SP140: variants seen among roughly 807,000 people sequenced by gnomAD.
SP140 encodes SP140 nuclear body protein.
Under a neutral mutation model 125.0 loss-of-function variants are expected in SP140, and 81 were observed. That is an observed-to-expected ratio of 0.65 (90% CI 0.54 to 0.78). The LOEUF (loss-of-function observed/expected upper bound fraction) is 0.78. Ranked by LOEUF, SP140 falls within the 30% of genes least tolerant of loss-of-function variation. The pLI is 0.00. For synonymous variants in SP140, 312 were observed against 354.0 expected (o/e 0.88, Z 1.33); for missense variants, 858 against 1,037.0 (o/e 0.83, Z 2.37).
In SP140 at chr2:230,269,711, A is replaced by G. The variant is rs1278856479; in HGVS notation, c.1327+93A>G. ...AATAGACTTAAAGGAAGAGTCAAAT[A>G]TAAGGAGGAGCAGTGAAAGGAGAAG... On this transcript the variant is annotated intron_variant, in intron 13 of 26. Coordinates refer to ENST00000392045, the MANE Select transcript of SP140 (RefSeq NM_007237.5). 7.5e-6 allele frequency: 8 copies of G among 1,063,184 alleles called. No homozygotes were observed. The African/African-American group carries it at 9.6e-5, about 13-fold the overall frequency. The allele number at this position is 1,063,184 out of a possible 1,614,324, so 65.9% of individuals were successfully genotyped here.
intron 10 of SP140, among the ~76,000 whole-genome samples, chr2:230,252,923 G>C: frequency 6.6e-6 from 1 of 152,014 alleles, no homozygotes; most frequent in East Asian, 1.9e-4. Context: ...TTAAGGAAAA[G>C]AAAAATGCTA....
intron 11 of SP140, among the ~76,000 whole-genome samples, chr2:230,253,784 A>C (rs2050737985): frequency 6.6e-6 from 1 of 152,218 alleles, no homozygotes; most frequent in Non-Finnish European, 1.5e-5. Flanking sequence ...GCCTACTTTC[A>C]GAAGTATCAG....
At chr2:230,187,673 G>A in the SP140 span, among the ~76,000 whole-genome samples, 3 of 152,054 alleles carry the variant, frequency 2.0e-5, no homozygotes, top group African/African-American at 7.2e-5. Flanking sequence ...TTTGTATAAG[G>A]TGGGAAATAG....
intron 16 of SP140, 79 bp downstream of exon 16, chr2:230,284,490 T>C: frequency 8.1e-7 from 1 of 1,236,498 alleles, no homozygotes; most frequent in Non-Finnish European, 1.1e-6. Context: ...GGCCTGCAGT[T>C]CCCCAGAGCC....
At chr2:230,243,884 A>G in intron 5 of SP140, 73 bp downstream of exon 5, 1 of 1,042,360 alleles carries the variant, frequency 9.6e-7, no homozygotes. Flanking sequence ...GGTGTTTCCT[A>G]ATGCATTTTA....
At position 230,253,432 on chromosome 2, in the gene SP140, C is replaced by A. The variant is rs189813545; in HGVS notation, c.1159+15C>A. On this transcript the variant is annotated intron_variant, in intron 11 of 26. Coordinates refer to ENST00000392045, the MANE Select transcript of SP140 (RefSeq NM_007237.5). The stretch of plus-strand genomic sequence containing the variant: ...TGAAGGAGAAGGTAATTATGATGTA[C>A]ATTTTTAGGTATTTGAGTACATCTT... The A allele has an allele frequency of 1.2e-4, 182 of 1,560,928 alleles. 1 individual carries two copies. The highest frequency in any genetic ancestry group is 4.0e-4 in the South Asian group (36 of 89,964).
chr2:230,202,506 ACT>A, upstream of SP140: 1 of 1,439,072 alleles, frequency 6.9e-7, no homozygotes, highest in Non-Finnish European at 9.8e-7. Context: ...TATCTACTTA[ACT>A]CTGTACCTGC....
intron 1 of SP140, among the ~76,000 whole-genome samples, chr2:230,208,878 G>A (rs2044164519): frequency 6.6e-6 from 1 of 152,106 alleles, no homozygotes; most frequent in Non-Finnish European, 1.5e-5. Context: ...TTAAGATAAT[G>A]GCAATAGATT....
At chr2:230,188,078 G>A in the SP140 span, among the ~76,000 whole-genome samples, 53 of 152,220 alleles carry the variant, frequency 3.5e-4, no homozygotes, top group Non-Finnish European at 6.5e-4. Flanking sequence ...GATTGCCTTG[G>A]GCAGTGTGAT....
intron 1 of SP140, among the ~76,000 whole-genome samples, chr2:230,230,720 T>G (rs2047118755): frequency 6.6e-6 from 1 of 152,244 alleles, no homozygotes; most frequent in African/African-American, 2.4e-5. Flanking sequence ...TCAATATGTC[T>G]AAGTCTAGAT....
intron 10 of SP140, 143 bp from the exon 11 acceptor site, chr2:230,253,173 G>A: frequency 1.5e-6 from 1 of 650,788 alleles, no homozygotes; most frequent in Non-Finnish European, 2.7e-6. Context: ...AGGACACTGA[G>A]AATTAGAGAG....
intron 10 of SP140, among the ~76,000 whole-genome samples, chr2:230,252,109 A>C (rs2050462605): frequency 6.6e-6 from 1 of 152,016 alleles, no homozygotes; most frequent in Non-Finnish European, 1.5e-5. Context: ...TAAGGAGAGG[A>C]GTGGAAAAAT....
At chr2:230,278,675 TA>T (rs2055075351) in intron 15 of SP140, among the ~76,000 whole-genome samples, 1 of 152,100 alleles carries the variant, frequency 6.6e-6, no homozygotes, top group African/African-American at 2.4e-5. Flanking sequence ...AATTTTTGTA[TA>T]TGGTGTAAGC....
rs577449122 is a variant in SP140, at chr2:230,251,057, G to T, written c.1053G>T (p.Gly351=). ...QEASSSLARC[G]SVSCLSAETF... is the part of the protein sequence containing the mutation. ...CCTCTAGCTCCCTAGCAAGATGTGG[G>T]TCAGGTAAAGAAGGGGAGGATTTCT... Residue 351 remains glycine (G), a synonymous_variant, in exon 10 of 27, where the codon GGG becomes GGT. Coordinates refer to ENST00000392045, the MANE Select transcript of SP140 (RefSeq NM_007237.5). 5.0e-6 allele frequency: 8 copies of T among 1,613,022 alleles called. No homozygotes were observed. Among genetic ancestry groups the T allele is most frequent in the Middle Eastern group, 3.6e-4 (2 of 5,534 alleles).
At chr2:230,234,763 G>T (rs750598869) in intron 1 of SP140, among the ~76,000 whole-genome samples, 1 of 151,998 alleles carries the variant, frequency 6.6e-6, no homozygotes, top group Admixed American at 6.5e-5. Flanking sequence ...TTCCAAGGTC[G>T]TTTTATTTTC....
At chr2:230,302,527 A>G (rs2058379349) in intron 22 of SP140, among the ~76,000 whole-genome samples, 1 of 152,240 alleles carries the variant, frequency 6.6e-6, no homozygotes, top group Non-Finnish European at 1.5e-5. Flanking sequence ...ACCAAGAAAC[A>G]ATGGACTTAA....
intron 3 of SP140, among the ~76,000 whole-genome samples, chr2:230,240,078 G>A (rs1241513349): frequency 2.6e-5 from 4 of 151,868 alleles, no homozygotes; most frequent in Non-Finnish European, 4.4e-5. Context: ...GTGAGAAATG[G>A]GCAGAAGTAG....
chr2:230,307,761 G>A (rs2058900179), intron 22 of SP140, among the ~76,000 whole-genome samples: 1 of 151,998 alleles, frequency 6.6e-6, no homozygotes, highest in Admixed American at 6.5e-5. Context: ...CAGGCCAGTA[G>A]CCTGAGCCAA....
the SP140 span, among the ~76,000 whole-genome samples, chr2:230,187,983 T>G: frequency 3.3e-5 from 5 of 152,316 alleles, no homozygotes; most frequent in East Asian, 9.6e-4. Flanking sequence ...AGGCTCTTTT[T>G]TGGTTCCATA....
Sources: allele counts gnomAD v4.1 joint callset (sites outside exome capture counted in the v4.1 genomes callset), GRCh38; gene constraint gnomAD v4.1.1; transcripts MANE v1.5; gene names NCBI Gene and HGNC (gene_info 2026-07-23, HGNC 2026-07-21).